Variants in ATF7IP observed in about 807,000 individuals in gnomAD.
ATF7IP encodes activating transcription factor 7-interacting protein 1.
In ATF7IP, 23 loss-of-function variants were observed where a neutral mutation model predicts 106.4. The ratio of observed to expected loss-of-function variants is 0.22; its 90% CI spans 0.16 to 0.31. The LOEUF is 0.31. ATF7IP is among the 10% of genes least tolerant of loss of function. The pLI is 1.00. For missense variants in ATF7IP, 1,334 were observed against 1,524.3 expected, an observed-to-expected ratio of 0.88 and a Z score of 2.08; for synonymous variants, 542 against 539.0, an observed-to-expected ratio of 1.01 and a Z score of -0.08.
intron 1 of ATF7IP, among the ~76,000 whole-genome samples, chr12:14,400,129 T>C (rs1173550042): frequency 6.6e-6 from 1 of 152,240 alleles, no homozygotes; most frequent in Admixed American, 6.5e-5. Context: ...ATGTGATGAT[T>C]CACACTGGCG....
intron 2 of ATF7IP, among the ~76,000 whole-genome samples, chr12:14,431,695 TA>T (rs1245899542): frequency 6.6e-6 from 1 of 151,906 alleles, no homozygotes; most frequent in Non-Finnish European, 1.5e-5. Context: ...CACCCGGCAG[TA>T]AAAAAGACAT....
intron 1 of ATF7IP, among the ~76,000 whole-genome samples, chr12:14,387,291 T>A (rs1173160836): frequency 6.6e-6 from 1 of 152,172 alleles, no homozygotes; most frequent in Non-Finnish European, 1.5e-5. Context: ...GGAGTGAGTA[T>A]GACATAGAAA....
At chr12:14,381,757 T>C (rs1410586814) in intron 1 of ATF7IP, among the ~76,000 whole-genome samples, 2 of 152,070 alleles carry the variant, frequency 1.3e-5, no homozygotes, top group Non-Finnish European at 2.9e-5. Flanking sequence ...CTCAACCAAA[T>C]ACAGTGAAAA....
At chr12:14,421,968 A>G (rs1941536882) in intron 1 of ATF7IP, among the ~76,000 whole-genome samples, 1 of 152,216 alleles carries the variant, frequency 6.6e-6, no homozygotes, top group African/African-American at 2.4e-5. Context: ...AGAAGAAATC[A>G]TGATGGAAAT....
chr12:14,411,797 C>CT (rs939832381), intron 1 of ATF7IP, among the ~76,000 whole-genome samples: 22 of 147,820 alleles, frequency 1.5e-4, no homozygotes, highest in South Asian at 2.1e-4. Context: ...TTCAGTTAAA[C>CT]TTTTTTTTTT....
chr12:14,413,329 C>T (rs1251639641), intron 1 of ATF7IP, among the ~76,000 whole-genome samples: 1 of 152,166 alleles, frequency 6.6e-6, no homozygotes, highest in Non-Finnish European at 1.5e-5. Context: ...GTAGCTAATA[C>T]ATGAAGCAGT....
intron 1 of ATF7IP, among the ~76,000 whole-genome samples, chr12:14,388,379 C>T (rs1246663768): frequency 2.0e-5 from 3 of 150,444 alleles, no homozygotes; most frequent in Non-Finnish European, 3.0e-5. Context: ...CGGAGTCTCA[C>T]TCTGTCGCTG....
chr12:14,495,597 TTC>T (rs1944988344), intron 13 of ATF7IP, among the ~76,000 whole-genome samples: 1 of 152,190 alleles, frequency 6.6e-6, no homozygotes, highest in African/African-American at 2.4e-5. Flanking sequence ...GCTCTAAATT[TTC>T]TCTTTTTGTT....
rs781020239 is a variant in ATF7IP at position 14,496,306 on chromosome 12, A to C, written c.3356A>C (p.Gln1119Pro). ...NGLTLGSTGP[Q>P]LTVHHRPPQV... is the part of the protein sequence containing the mutation. The stretch of plus-strand genomic sequence containing the variant: ...CTAACCCTGGGATCAACAGGACCTC[A>C]GCTCACAGTGCATCACCGACCACCA... The change falls in exon 14 of 15, where the codon CAG becomes CCG. Residue 1119 changes from glutamine (Q) to proline (P), a missense_variant. Physicochemically the swap from Gln to Pro is moderately conservative, Grantham distance 76. Transcript: ENST00000261168. 1 of 1,613,964 alleles carries C rather than the reference A, an allele frequency of 6.2e-7. No individual in the cohort carries two copies. The highest frequency in any genetic ancestry group is 8.5e-7 in the Non-Finnish European group (1 of 1,179,902).
At chr12:14,491,165 G>C (rs775003613) in intron 13 of ATF7IP, among the ~76,000 whole-genome samples, 2 of 152,160 alleles carry the variant, frequency 1.3e-5, no homozygotes, top group Non-Finnish European at 2.9e-5. Context: ...TTGCCCAGTA[G>C]CACGGACCTG....
intron 14 of ATF7IP, 69 bp from the exon 15 acceptor site, chr12:14,497,585 T>A (rs1731272631): frequency 6.9e-7 from 1 of 1,440,384 alleles, no homozygotes; most frequent in South Asian, 1.3e-5. Flanking sequence ...CTCTAAGGTG[T>A]TTTAATTCTA....
intron 8 of ATF7IP, among the ~76,000 whole-genome samples, chr12:14,457,657 A>G (rs77693806): frequency 2.6e-4 from 39 of 152,348 alleles, no homozygotes; most frequent in African/African-American, 9.1e-4. Flanking sequence ...TCTGGTCTCT[A>G]GATCCCTTTA....
intron 3 of ATF7IP, 55 bp from the exon 4 acceptor site, chr12:14,436,051 A>C (rs1942387373): frequency 6.4e-7 from 1 of 1,567,194 alleles, no homozygotes; most frequent in Non-Finnish European, 8.7e-7. Context: ...GATAATATGC[A>C]TTAAGAGCTA....
At chr12:14,405,296 G>T (rs1374205969) in intron 1 of ATF7IP, among the ~76,000 whole-genome samples, 1 of 151,642 alleles carries the variant, frequency 6.6e-6, no homozygotes, top group African/African-American at 2.4e-5. Context: ...TACAAAGAGG[G>T]ATAACCAGCA....
At chr12:14,453,390 C>G (rs1442359119) in intron 6 of ATF7IP, among the ~76,000 whole-genome samples, 1 of 152,110 alleles carries the variant, frequency 6.6e-6, no homozygotes, top group Non-Finnish European at 1.5e-5. Flanking sequence ...TTTTGCTCCT[C>G]TGGCTTGATA....
intron 13 of ATF7IP, among the ~76,000 whole-genome samples, chr12:14,490,845 T>A (rs780885384): frequency 6.6e-6 from 1 of 152,214 alleles, no homozygotes; most frequent in Non-Finnish European, 1.5e-5. Context: ...AATGCTGCTG[T>A]GCATGACCCA....
chr12:14,433,277 G>A (rs926140664), intron 2 of ATF7IP, among the ~76,000 whole-genome samples: 5 of 151,994 alleles, frequency 3.3e-5, no homozygotes, highest in African/African-American at 1.2e-4. Context: ...GAGGCTGAGG[G>A]GGGTGGATCA....
chr12:14,434,566 C>G lies in ATF7IP; in HGVS notation c.1645+143C>G, dbSNP rs1008200515. On this transcript the variant is annotated intron_variant, in intron 3 of 14. Coordinates refer to ENST00000261168, the MANE Select transcript of ATF7IP (RefSeq NM_018179.5). Reference sequence around the variant, plus strand: ...CACAACTATACCATTTTGTTGATGGCTAACTGAAGGATTTCTGAAAGTATG... The same window carrying G: ...CACAACTATACCATTTTGTTGATGGGTAACTGAAGGATTTCTGAAAGTATG... 7.8e-5 allele frequency: 46 copies of G among 591,026 alleles called. No individual in the cohort carries two copies. In the African/African-American group the frequency reaches 8.8e-4, roughly 11 times the overall value. The allele number at this position is 591,026 out of a possible 1,614,324, so 36.6% of individuals were successfully genotyped here.
intron 1 of ATF7IP, among the ~76,000 whole-genome samples, chr12:14,411,982 C>T (rs1940944926): frequency 6.6e-6 from 1 of 152,066 alleles, no homozygotes; most frequent in Non-Finnish European, 1.5e-5. Flanking sequence ...AATAGGACTC[C>T]AACTTCATTC....
Sources: allele counts gnomAD v4.1 joint callset (sites outside exome capture counted in the v4.1 genomes callset), GRCh38; gene constraint gnomAD v4.1.1; transcripts MANE v1.5; gene names NCBI Gene and HGNC (gene_info 2026-07-23, HGNC 2026-07-21).